The following SCFD2 variants were observed in gnomAD, a reference collection of about 807,000 sequenced individuals.
SCFD2 encodes sec1 family domain-containing protein 2.
A neutral mutation model predicts 58.9 loss-of-function variants in SCFD2; 54 were observed. That is an observed-to-expected ratio of 0.92 (90% CI 0.74 to 1.15). The LOEUF is 1.15. SCFD2 is among the 50% of genes most tolerant of loss of function. The pLI is 0.00. For missense variants in SCFD2, 805 were observed against 836.6 expected, an observed-to-expected ratio of 0.96 and a Z score of 0.47; for synonymous variants, 321 against 335.9, an observed-to-expected ratio of 0.96 and a Z score of 0.49.
At chr4:52,999,820 C>T (rs918784941) in intron 5 of SCFD2, among the ~76,000 whole-genome samples, 2 of 152,214 alleles carry the variant, frequency 1.3e-5, no homozygotes, top group Non-Finnish European at 2.9e-5. Context: ...GGTCAGGCCA[C>T]TGTGAGAGTC....
chr4:52,951,227 A>G (rs1720585373), intron 5 of SCFD2, among the ~76,000 whole-genome samples: 1 of 152,172 alleles, frequency 6.6e-6, no homozygotes, highest in South Asian at 2.1e-4. Context: ...CATTCTGCTG[A>G]GTATTAGCAA....
intron 2 of SCFD2, among the ~76,000 whole-genome samples, chr4:53,336,878 T>A (rs1426656328): frequency 6.6e-6 from 1 of 151,974 alleles, no homozygotes; most frequent in Non-Finnish European, 1.5e-5. Context: ...AATAAGCACA[T>A]GAAAGTGTGC....
intron 5 of SCFD2, among the ~76,000 whole-genome samples, chr4:53,127,416 C>G (rs995579398): frequency 9.9e-5 from 15 of 152,164 alleles, no homozygotes; most frequent in African/African-American, 3.4e-4. Flanking sequence ...GCGCACCCCC[C>G]ACCCCAACCC....
At chr4:52,886,348 T>C (rs755900177) in intron 7 of SCFD2, among the ~76,000 whole-genome samples, 1 of 152,216 alleles carries the variant, frequency 6.6e-6, no homozygotes, top group Non-Finnish European at 1.5e-5. Flanking sequence ...TTGCATCCCC[T>C]CTCTGCTGAG....
At chr4:53,050,102 G>A (rs1428594322) in intron 5 of SCFD2, among the ~76,000 whole-genome samples, 1 of 152,108 alleles carries the variant, frequency 6.6e-6, no homozygotes, top group Admixed American at 6.5e-5. Context: ...ATATAATGGA[G>A]GTAAGGAATT....
At chr4:53,141,658 A>C (rs890350333) in intron 5 of SCFD2, among the ~76,000 whole-genome samples, 2 of 136,854 alleles carry the variant, frequency 1.5e-5, no homozygotes, top group South Asian at 2.5e-4. Context: ...AAAAAAAAAA[A>C]CATTAAATCA....
At chr4:53,289,595 TAAC>T (rs1272040568) in intron 3 of SCFD2, among the ~76,000 whole-genome samples, 1 of 151,574 alleles carries the variant, frequency 6.6e-6, no homozygotes, top group Non-Finnish European at 1.5e-5. Flanking sequence ...AGAAAACAAT[TAAC>T]AAAATGGCAA....
chr4:52,938,782 G>A lies in SCFD2; in HGVS notation c.1562-17912C>T, dbSNP rs1720209911. ...CAATCTAGATTAAAGTAACCTAAAT[G>A]AATAAGGTTTCATTGTGTTTCAAAG... On this transcript the variant is annotated intron_variant, in intron 5 of 8. Coordinates refer to ENST00000401642, the MANE Select transcript of SCFD2 (RefSeq NM_152540.4). Among the ~76,000 whole-genome samples the A allele has an allele frequency of 2.0e-5, 3 of 152,264 alleles. No individual in the cohort carries two copies. The East Asian group carries it at 5.8e-4, about 29-fold the overall frequency.
In SCFD2 at chr4:53,365,944, T is replaced by A. The variant is rs1734695346; in HGVS notation, c.-3A>T. On this transcript the variant is annotated 5_prime_UTR_variant, in exon 1 of 9. Transcript: ENST00000401642. The surrounding 1 kb of genome is among the most constrained non-coding windows in gnomAD (Gnocchi z 4.3). ...GACAGTACGCCCGAGGCGCTCATGGTTGGGGATTCGCAGACTTGGGAAACT... is the reference window on the plus strand; with the variant it reads ...GACAGTACGCCCGAGGCGCTCATGGATGGGGATTCGCAGACTTGGGAAACT... The A allele has an allele frequency of 6.6e-7, 1 of 1,518,312 alleles. No homozygotes were observed. The highest frequency in any genetic ancestry group is 8.8e-7 in the Non-Finnish European group (1 of 1,139,654). The allele number at this position is 1,518,312 out of a possible 1,614,324, so 94.1% of individuals were successfully genotyped here.
At chr4:53,297,546 G>A (rs1732086075) in intron 3 of SCFD2, among the ~76,000 whole-genome samples, 1 of 151,864 alleles carries the variant, frequency 6.6e-6, no homozygotes, top group African/African-American at 2.4e-5. Flanking sequence ...GCCTATGTGT[G>A]TCCTTGCATG....
intron 5 of SCFD2, among the ~76,000 whole-genome samples, chr4:52,941,254 C>G (rs1720285895): frequency 6.6e-6 from 1 of 152,142 alleles, no homozygotes; most frequent in African/African-American, 2.4e-5. Context: ...AACATACATA[C>G]CTGTTTCATG....
At chr4:53,219,539 C>T (rs1057014692) in intron 4 of SCFD2, among the ~76,000 whole-genome samples, 3 of 152,154 alleles carry the variant, frequency 2.0e-5, no homozygotes, top group Non-Finnish European at 4.4e-5. Flanking sequence ...TCCGTCACTG[C>T]TTTCCATGTC....
At chr4:53,200,181 G>C (rs554588863) in intron 4 of SCFD2, among the ~76,000 whole-genome samples, 5 of 152,174 alleles carry the variant, frequency 3.3e-5, no homozygotes, top group African/African-American at 1.2e-4. Flanking sequence ...TGAGGTCATT[G>C]GCCAAAATCA....
At chr4:53,257,324 G>C (rs940884481) in intron 4 of SCFD2, among the ~76,000 whole-genome samples, 2 of 152,176 alleles carry the variant, frequency 1.3e-5, no homozygotes, top group Non-Finnish European at 2.9e-5. Context: ...TCAGTTCAAT[G>C]TGAAGAAGAG....
chr4:53,219,480 T>C (rs528616188), intron 4 of SCFD2, among the ~76,000 whole-genome samples: 1 of 152,276 alleles, frequency 6.6e-6, no homozygotes, highest in East Asian at 1.9e-4. Context: ...CTAAGACCGT[T>C]GGAAAAGCAC....
intron 5 of SCFD2, among the ~76,000 whole-genome samples, chr4:53,111,668 A>G (rs1277322431): frequency 3.3e-5 from 5 of 152,160 alleles, no homozygotes; most frequent in African/African-American, 1.2e-4. Flanking sequence ...CAAAGCCCAC[A>G]GCAACATTGC....
intron 6 of SCFD2, among the ~76,000 whole-genome samples, chr4:52,915,012 A>T (rs1235269412): frequency 2.0e-5 from 3 of 152,166 alleles, no homozygotes; most frequent in African/African-American, 7.2e-5. Flanking sequence ...GTCTCTGGTT[A>T]TTCTTTTGGG....
intron 5 of SCFD2, among the ~76,000 whole-genome samples, chr4:52,996,807 G>C (rs1037847410): frequency 3.9e-5 from 6 of 152,162 alleles, no homozygotes; most frequent in Non-Finnish European, 8.8e-5. Context: ...CCTTGTGTGA[G>C]GAAGGAGCAA....
intron 4 of SCFD2, among the ~76,000 whole-genome samples, chr4:53,237,643 G>A (rs1729684690): frequency 2.2e-5 from 3 of 136,496 alleles, no homozygotes; most frequent in Admixed American, 1.4e-4. Context: ...CGGGCGGGGG[G>A]CTGACCCCCC....
Sources: gnomAD v4.1 joint callset for allele counts (sites outside exome capture counted in the v4.1 genomes callset) on GRCh38, gnomAD v4.1.1 for gene constraint, Gnocchi (gnomAD v3.1) non-coding constraint, MANE v1.5 for transcripts, NCBI Gene and HGNC (gene_info 2026-07-23, HGNC 2026-07-21) for gene names.